TENT4B: variants seen among roughly 807,000 people sequenced by gnomAD.
TENT4B encodes the protein PAP associated domain containing 5.
In TENT4B, 10 loss-of-function variants were observed where a neutral mutation model predicts 75.0. That is an observed-to-expected ratio of 0.13 (90% confidence interval 0.08 to 0.23). The LOEUF (loss-of-function observed/expected upper bound fraction) is 0.23. Ranked by LOEUF, TENT4B falls within the 10% of genes least tolerant of loss-of-function variation. The probability of loss-of-function intolerance (pLI) is 1.00; values close to 1 mark genes in which losing one functional copy is unlikely to be tolerated. For synonymous variants in TENT4B, 350 were observed against 357.7 expected (o/e 0.98, Z 0.24); for missense variants, 579 against 893.8 (o/e 0.65, Z 4.49).
intron 1 of TENT4B, among the ~76,000 whole-genome samples, chr16:50,184,969 T>G (rs1247256151): frequency 2.0e-5 from 3 of 152,152 alleles, no homozygotes; most frequent in African/African-American, 4.8e-5. Context: ...GTTCTCACAT[T>G]CCCTGTACTT....
At chr16:50,162,562 A>G (rs1375085130) in intron 1 of TENT4B, among the ~76,000 whole-genome samples, 2 of 152,160 alleles carry the variant, frequency 1.3e-5, no homozygotes, top group Admixed American at 1.3e-4. Context: ...AGCCTCATCT[A>G]ATCTTAACTT....
chr16:50,173,391 T>C (rs2038243463), intron 1 of TENT4B, among the ~76,000 whole-genome samples: 1 of 152,156 alleles, frequency 6.6e-6, no homozygotes, highest in African/African-American at 2.4e-5. Flanking sequence ...GGTTTTTGTG[T>C]GGTCATGTTT....
chr16:50,182,344 A>G lies in TENT4B; in HGVS notation c.638+28085A>G, dbSNP rs562319237. ...TTGGTGCTTCATGTCAGTGTTAGAA[A>G]CTATAGGTTGTATATTTATTAATTT... is the stretch of plus-strand genomic sequence containing the variant. On this transcript the variant is annotated intron_variant, in intron 1 of 11. Transcript: ENST00000561678. 2.3e-3 allele frequency among the ~76,000 whole-genome samples: 345 copies of G among 152,288 alleles called. 2 individuals are homozygous for G. The highest frequency in any genetic ancestry group is 3.4e-3 in the Middle Eastern group (1 of 294).
At chr16:50,193,560 G>A (rs1231492254) in intron 1 of TENT4B, among the ~76,000 whole-genome samples, 10 of 151,862 alleles carry the variant, frequency 6.6e-5, no homozygotes, top group Admixed American at 3.9e-4. Flanking sequence ...GGATGGTCTC[G>A]ATCTCCTGAC....
At chr16:50,203,703 G>A (rs2030788237) in intron 1 of TENT4B, among the ~76,000 whole-genome samples, 1 of 152,020 alleles carries the variant, frequency 6.6e-6, no homozygotes, top group Admixed American at 6.5e-5. Context: ...ATTCTGGTTC[G>A]GAGCTCATTT....
Position 50,229,442 on chromosome 16 carries a change from G to T in TENT4B, c.*114G>T. 1 of 1,339,424 alleles carries T rather than the reference G, an allele frequency of 7.5e-7. No individual in the cohort carries two copies. The allele number at this position is 1,339,424 out of a possible 1,614,324, so 83.0% of individuals were successfully genotyped here. A position where few individuals can be genotyped will look rare whatever the true frequency, so the allele number is the denominator to read the frequency against. On this transcript the variant is annotated 3_prime_UTR_variant, in exon 12 of 12. Coordinates refer to ENST00000561678, the MANE Select transcript of TENT4B (RefSeq NM_001365324.3). ...CTCACACTGTTCAGACGTTGACTTAGCAACTGCGTTTTTTCCCAGCTCGCC... is the reference window on the plus strand; with the variant it reads ...CTCACACTGTTCAGACGTTGACTTATCAACTGCGTTTTTTCCCAGCTCGCC...
chr16:50,200,202 C>CA (rs2030544579), intron 1 of TENT4B, among the ~76,000 whole-genome samples: 1 of 151,904 alleles, frequency 6.6e-6, no homozygotes, highest in South Asian at 2.1e-4. Context: ...CTCATCTCTA[C>CA]AAAAAATTTA....
rs1291990649 is a variant in TENT4B at position 50,234,937 on chromosome 16, G to A, written c.*5609G>A. 2 of 985,646 alleles carry A rather than the reference G, an allele frequency of 2.0e-6. No individual in the cohort carries two copies. The highest frequency in any genetic ancestry group is 2.4e-6 in the Non-Finnish European group (2 of 829,874). The allele number at this position is 985,646 out of a possible 1,614,324, so 61.1% of individuals were successfully genotyped here. A position where few individuals can be genotyped will look rare whatever the true frequency, so the allele number is the denominator to read the frequency against. On this transcript the variant is annotated 3_prime_UTR_variant, in exon 12 of 12. Coordinates refer to ENST00000561678, the MANE Select transcript of TENT4B (RefSeq NM_001365324.3). ...CCTTCTTTGATTAGCATTGTCTTCA[G>A]TGTTAAGAAATGTGGACTCCTGTGA...
At chr16:50,182,701 T>G (rs2038438546) in intron 1 of TENT4B, among the ~76,000 whole-genome samples, 2 of 152,076 alleles carry the variant, frequency 1.3e-5, no homozygotes, top group Admixed American at 1.3e-4. Flanking sequence ...TTATTTTCTA[T>G]TGTAAATAAA....
Position 50,230,334 on chromosome 16 carries a change from TC to T in TENT4B, c.*1007del. ...AAAAAAAAAGGTCACCCATGTCTGG[TC>T]TCATTCCTGTTGCAGTGAAACTTCG... is the stretch of plus-strand genomic sequence containing the variant. On this transcript the variant is annotated 3_prime_UTR_variant, in exon 12 of 12. Transcript: ENST00000561678. 1 of 978,488 alleles carries T rather than the reference TC, an allele frequency of 1.0e-6. No homozygotes were observed. The highest frequency in any genetic ancestry group is 1.2e-6 in the Non-Finnish European group (1 of 826,298). 60.6% of individuals were successfully genotyped at this position (978,488 alleles called of 1,614,324 possible). A position where few individuals can be genotyped will look rare whatever the true frequency, so the allele number is the denominator to read the frequency against.
chr16:50,155,272 GGTGTGTGTGTGTGTGTGT>G (rs60683678), intron 1 of TENT4B, among the ~76,000 whole-genome samples: 90 of 135,482 alleles, frequency 6.6e-4, no homozygotes, highest in African/African-American at 2.1e-3. Context: ...GGGTCTCGTG[GGTGTGTGTGTGTGTGTGT>G]GTGTGTGTGT....
chr16:50,173,891 A>G (rs2038252936), intron 1 of TENT4B, among the ~76,000 whole-genome samples: 1 of 151,766 alleles, frequency 6.6e-6, no homozygotes, highest in Non-Finnish European at 1.5e-5. Flanking sequence ...ACAGGATTTC[A>G]CCATGTTGGC....
rs869060811 is a variant in TENT4B, at chr16:50,182,891, C to CTTTTTTTTTTTTT, written c.639-28413_639-28401dup. Among the ~76,000 whole-genome samples, 345 of 36,472 alleles carry CTTTTTTTTTTTTT rather than the reference C, an allele frequency of 9.5e-3. 76 individuals are homozygous for CTTTTTTTTTTTTT. The highest frequency in any genetic ancestry group is 0.013 in the Non-Finnish European group (254 of 19,704). 23.9% of individuals were successfully genotyped at this position (36,472 alleles called of 152,430 possible). A position where few individuals can be genotyped will look rare whatever the true frequency, so the allele number is the denominator to read the frequency against. On this transcript the variant is annotated intron_variant, in intron 1 of 11. Coordinates refer to ENST00000561678, the MANE Select transcript of TENT4B (RefSeq NM_001365324.3). ...CCAAGTACAGCAAGTTTTATTTTACCTTTTTTTTTTTTTTTTTTTTTTTTT... is the reference window on the plus strand; with the variant it reads ...CCAAGTACAGCAAGTTTTATTTTACCTTTTTTTTTTTTTTTTTTTTTTTTTTTTTTTTTTTTTT...
chr16:50,165,700 G>A (rs946530308), intron 1 of TENT4B, among the ~76,000 whole-genome samples: 1 of 152,094 alleles, frequency 6.6e-6, no homozygotes, highest in Non-Finnish European at 1.5e-5. Flanking sequence ...TTTGTGCTTG[G>A]CTTCTCAAAC....
At chr16:50,228,616 G>A (rs1029936922) in intron 11 of TENT4B, among the ~76,000 whole-genome samples, 11 of 151,872 alleles carry the variant, frequency 7.2e-5, no homozygotes, top group Admixed American at 3.3e-4. Flanking sequence ...CCTCTTGGCT[G>A]TAACCTTGTG....
intron 1 of TENT4B, among the ~76,000 whole-genome samples, chr16:50,162,714 G>A (rs192563745): frequency 6.6e-6 from 1 of 152,190 alleles, no homozygotes; most frequent in East Asian, 1.9e-4. Context: ...TGTCTTTGAA[G>A]TAATTTTCAG....
In TENT4B at chr16:50,214,368, A is replaced by G. The variant is rs970213880; in HGVS notation, c.809+101A>G. On this transcript the variant is annotated intron_variant, in intron 3 of 11. Coordinates refer to ENST00000561678, the MANE Select transcript of TENT4B (RefSeq NM_001365324.3). ...AGAAACAAAACAAATTTATAAAACA[A>G]AATGGGGCTGGGCATGGTGGCTCAT... 3.3e-6 allele frequency: 3 copies of G among 921,458 alleles called. No individual in the cohort carries two copies. In the Admixed American group the frequency reaches 8.2e-5, roughly 25 times the overall value. 57.1% of individuals were successfully genotyped at this position (921,458 alleles called of 1,614,324 possible).
At chr16:50,156,947 C>T (rs2037912952) in intron 1 of TENT4B, among the ~76,000 whole-genome samples, 1 of 152,182 alleles carries the variant, frequency 6.6e-6, no homozygotes, top group Non-Finnish European at 1.5e-5. Context: ...GCATGAGCCA[C>T]CATTCTCGCC....
At chr16:50,194,947 C>A (rs2030120380) in intron 1 of TENT4B, among the ~76,000 whole-genome samples, 2 of 152,004 alleles carry the variant, frequency 1.3e-5, no homozygotes, top group South Asian at 4.2e-4. Flanking sequence ...GACGGGGTTT[C>A]ACCGTGTTAG....
Sources: allele counts gnomAD v4.1 joint callset (sites outside exome capture counted in the v4.1 genomes callset), GRCh38; gene constraint gnomAD v4.1.1; transcripts MANE v1.5; gene names NCBI Gene and HGNC (gene_info 2026-07-23, HGNC 2026-07-21).